The following SLC26A4 variants were observed in gnomAD, a reference collection of about 807,000 sequenced individuals.
SLC26A4 encodes solute carrier family 26 member 4.
A neutral mutation model predicts 90.4 loss-of-function variants in SLC26A4; 93 were observed. The ratio of observed to expected loss-of-function variants is 1.03; its 90% CI spans 0.87 to 1.22. SLC26A4 has a LOEUF of 1.22. Among genes scored for constraint, SLC26A4 ranks in the 50% most tolerant of loss-of-function variants. The pLI is 0.00. For missense variants in SLC26A4, 1,127 were observed against 946.2 expected, an observed-to-expected ratio of 1.19 and a Z score of -2.51; for synonymous variants, 393 against 354.6, an observed-to-expected ratio of 1.11 and a Z score of -1.22.
At chr7:107,665,096 G>T (rs1790672507) in intron 3 of SLC26A4, among the ~76,000 whole-genome samples, 1 of 152,098 alleles carries the variant, frequency 6.6e-6, no homozygotes, top group African/African-American at 2.4e-5. Context: ...AGGGGATCTT[G>T]AATAGCTTCC....
At chr7:107,713,909 G>GTATTAT (rs34694220) in intron 20 of SLC26A4, among the ~76,000 whole-genome samples, 13 of 148,928 alleles carry the variant, frequency 8.7e-5, no homozygotes, top group Admixed American at 6.7e-4. Context: ...ATTATTATTA[G>GTATTAT]TATTATTATT....
At chr7:107,688,919 C>T (rs774920665) in intron 8 of SLC26A4, 134 bp from the exon 9 acceptor site, 22 of 860,570 alleles carry the variant, frequency 2.6e-5, no homozygotes, top group Middle Eastern at 2.3e-4. Context: ...GTATGTATTT[C>T]GTGTGCTTTT....
Position 107,674,335 on chromosome 7 carries a change from T to A in SLC26A4, c.587T>A (p.Val196Asp), listed in dbSNP as rs780123768. The A allele has an allele frequency of 6.2e-7, 1 of 1,612,344 alleles. No individual in the cohort carries two copies. Among genetic ancestry groups the A allele is most frequent in the South Asian group, 1.1e-5 (1 of 91,042 alleles). The change falls in exon 5 of 21, where the codon GTT (valine) becomes GAT (aspartate). Residue 196 changes from valine to aspartate, a missense_variant. Transcript: ENST00000644269. The stretch of plus-strand genomic sequence containing the variant: ...ATTGCCAGTGCCCTGACTCTGCTGG[T>A]TGGAATTATACAGGTAATGAACTTA... ...VLIASALTLL[V>D]GIIQLIFGGL...
At chr7:107,690,369 G>A in intron 10 of SLC26A4, 132 bp downstream of exon 10, 5 of 700,610 alleles carry the variant, frequency 7.1e-6, no homozygotes, top group Non-Finnish European at 1.3e-5. Flanking sequence ...TTCACCTCAG[G>A]CCTATTCCTC....
At chr7:107,697,617 G>T (rs560493310) in intron 13 of SLC26A4, among the ~76,000 whole-genome samples, 49 of 152,270 alleles carry the variant, frequency 3.2e-4, no homozygotes, top group African/African-American at 1.2e-3. Flanking sequence ...GAAGACCCAG[G>T]GGTTAAAGAC....
rs1436003577 is a variant in SLC26A4, at chr7:107,674,449, A to G, written c.600+101A>G. Reference sequence around the variant, plus strand: ...GATTCTACTAAAAACAAAACAAAGTAATTTCCTGGAACCCAAAATTATTTT... The same window carrying G: ...GATTCTACTAAAAACAAAACAAAGTGATTTCCTGGAACCCAAAATTATTTT... On this transcript the variant is annotated intron_variant, in intron 5 of 20. Coordinates refer to ENST00000644269, the MANE Select transcript of SLC26A4 (RefSeq NM_000441.2). 5.0e-6 allele frequency: 5 copies of G among 1,005,326 alleles called. No individual in the cohort carries two copies. The East Asian group carries it at 1.3e-4, about 26-fold the overall frequency. The allele number at this position is 1,005,326 out of a possible 1,614,324, so 62.3% of individuals were successfully genotyped here.
intron 18 of SLC26A4, among the ~76,000 whole-genome samples, chr7:107,705,216 G>T (rs1012022147): frequency 6.6e-6 from 1 of 152,298 alleles, no homozygotes; most frequent in African/African-American, 2.4e-5. Context: ...AAATGTAGGA[G>T]ATCAGTGCTA....
rs1402384561 is a variant in SLC26A4 at position 107,663,885 on chromosome 7, G to A, written c.304+450G>A. On this transcript the variant is annotated intron_variant, in intron 3 of 20. Transcript: ENST00000644269. The stretch of plus-strand genomic sequence containing the variant: ...TTTTTAGTAGAGACGGGGTTTCACC[G>A]GGTTAGCCAGGATGGTATCGACCTC... 3.9e-5 allele frequency among the ~76,000 whole-genome samples: 6 copies of A among 151,972 alleles called. No homozygotes were observed. The East Asian group carries it at 5.8e-4, about 15-fold the overall frequency.
chr7:107,663,739 A>G (rs983910724), intron 3 of SLC26A4, among the ~76,000 whole-genome samples: 13 of 152,270 alleles, frequency 8.5e-5, no homozygotes, highest in Admixed American at 8.5e-4. Context: ...GCTGGAGTGC[A>G]GTGGCGCAAT....
intron 8 of SLC26A4, among the ~76,000 whole-genome samples, chr7:107,688,300 G>A (rs557990527): frequency 1.2e-4 from 18 of 152,230 alleles, no homozygotes; most frequent in African/African-American, 9.6e-5. Flanking sequence ...GATGTAGGTC[G>A]GGGAGACCTT....
chr7:107,700,550 A>C (rs1190140166), intron 15 of SLC26A4, among the ~76,000 whole-genome samples: 1 of 152,206 alleles, frequency 6.6e-6, no homozygotes, highest in Non-Finnish European at 1.5e-5. Flanking sequence ...AAATCATGTC[A>C]AGTGTTTGAG....
intron 10 of SLC26A4, 68 bp downstream of exon 10, chr7:107,690,305 C>T (rs1028881534): frequency 4.2e-6 from 4 of 949,884 alleles, no homozygotes; most frequent in Non-Finnish European, 6.9e-6. Flanking sequence ...GAGGAAGGCT[C>T]GCACCGAGCT....
intron 4 of SLC26A4, among the ~76,000 whole-genome samples, chr7:107,673,253 A>C (rs1790922763): frequency 6.6e-6 from 1 of 152,196 alleles, no homozygotes; most frequent in Admixed American, 6.5e-5. Flanking sequence ...CATGGATAAA[A>C]ATAACAGTAG....
chr7:107,677,025 T>C (rs939052533), intron 6 of SLC26A4, among the ~76,000 whole-genome samples: 28 of 151,984 alleles, frequency 1.8e-4, no homozygotes, highest in African/African-American at 6.3e-4. Context: ...AATACAAAAA[T>C]AATTAGACAT....
intron 6 of SLC26A4, among the ~76,000 whole-genome samples, chr7:107,680,772 C>A (rs1442391219): frequency 6.6e-6 from 1 of 151,992 alleles, no homozygotes; most frequent in Non-Finnish European, 1.5e-5. Flanking sequence ...AAACTGGAAT[C>A]CTGTAGTGAT....
Position 107,710,157 on chromosome 7 carries a change from C to T in SLC26A4, c.2193C>T (p.Asn731=). Residue 731 remains asparagine (N), a synonymous_variant, in exon 19 of 21, where the codon AAC becomes AAT. Coordinates refer to ENST00000644269, the MANE Select transcript of SLC26A4 (RefSeq NM_000441.2). Reference sequence around the variant, plus strand: ...ATGATGCTATACTCTATCTACAGAACCAAGTGAAATCTCAAGAGGGTCAAG... The same window carrying T: ...ATGATGCTATACTCTATCTACAGAATCAAGTGAAATCTCAAGAGGGTCAAG... ...TVHDAILYLQ[N]QVKSQEGQGS... is the part of the protein sequence containing the mutation. The T allele has an allele frequency of 6.2e-7, 1 of 1,608,448 alleles. No individual in the cohort carries two copies. Among genetic ancestry groups the T allele is most frequent in the Non-Finnish European group, 8.5e-7 (1 of 1,174,912 alleles).
intron 6 of SLC26A4, among the ~76,000 whole-genome samples, chr7:107,681,695 C>G (rs1250296976): frequency 6.6e-6 from 1 of 152,076 alleles, no homozygotes; most frequent in Non-Finnish European, 1.5e-5. Flanking sequence ...TGGGATTCTT[C>G]CTTGCTAATT....
intron 6 of SLC26A4, among the ~76,000 whole-genome samples, chr7:107,680,698 G>T (rs962962960): frequency 6.6e-6 from 1 of 151,778 alleles, no homozygotes; most frequent in Non-Finnish European, 1.5e-5. Context: ...TTTGAACCTC[G>T]TGTTACATTT....
In SLC26A4 at chr7:107,712,562, AG is replaced by A. The variant is rs761827888; in HGVS notation, c.2260del (p.Asp754IlefsTer5). The A allele has an allele frequency of 5.0e-6, 8 of 1,585,460 alleles. No individual in the cohort carries two copies. The highest frequency in any genetic ancestry group is 6.1e-6 in the Non-Finnish European group (7 of 1,153,954). ...AGATCACTCTCATTCAGGATTGTAA[AG>A]ATACCCTTGAATTAATAGAAACAGA... ...ETITLIQDCK[D>X]TLELIETELT... On this transcript the variant is annotated frameshift_variant, in exon 20 of 21. Transcript: ENST00000644269. LOFTEE classifies it high-confidence loss of function.
Sources: allele counts gnomAD v4.1 joint callset (sites outside exome capture counted in the v4.1 genomes callset), GRCh38; gene constraint gnomAD v4.1.1; transcripts MANE v1.5; gene names NCBI Gene and HGNC (gene_info 2026-07-23, HGNC 2026-07-21).